Variants in PHTF1 observed in about 807,000 individuals in gnomAD.
PHTF1 encodes putative homeodomain transcription factor 1, also known as protein PHTF1.
A neutral mutation model predicts 102.4 loss-of-function variants in PHTF1; 88 were observed. That is an observed-to-expected ratio of 0.86 (90% CI 0.72 to 1.03). The LOEUF is 1.03. PHTF1 is among the 50% of genes least tolerant of loss of function. The probability of loss-of-function intolerance (pLI) is 0.00; values close to 1 mark genes in which losing one functional copy is unlikely to be tolerated. For synonymous variants in PHTF1, 289 were observed against 305.2 expected (o/e 0.95, Z 0.55); for missense variants, 814 against 909.5 (o/e 0.89, Z 1.35).
chr1:113,710,813 T>A (rs867346160), intron 10 of PHTF1, among the ~76,000 whole-genome samples: 7,672 of 137,430 alleles, frequency 0.056, 268 homozygotes, highest in African/African-American at 0.12. Flanking sequence ...TATATATATT[T>A]TTTTTTTTTT....
intron 3 of PHTF1, among the ~76,000 whole-genome samples, chr1:113,755,559 G>A (rs988832878): frequency 1.3e-5 from 2 of 152,122 alleles, no homozygotes; most frequent in Non-Finnish European, 2.9e-5. Context: ...CCCTATGAGA[G>A]AACGAGTAAA....
At chr1:113,714,759 C>T (rs780476410) in intron 7 of PHTF1, 9 of 152,410 alleles carry the variant, frequency 5.9e-5, no homozygotes, top group Non-Finnish European at 1.2e-4. Flanking sequence ...TTGTAGTGCC[C>T]TTGGGCTTTG....
At chr1:113,757,070 G>A (rs1459613969) in intron 3 of PHTF1, among the ~76,000 whole-genome samples, 1 of 152,168 alleles carries the variant, frequency 6.6e-6, no homozygotes, top group Non-Finnish European at 1.5e-5. Context: ...TGGAGGTTGA[G>A]GCAGGAAAAT....
At chr1:113,699,472 C>T in intron 17 of PHTF1, 1 of 640,850 alleles carries the variant, frequency 1.6e-6, no homozygotes, top group Non-Finnish European at 2.9e-6. Context: ...CCAGATGGCC[C>T]AACTTGGTGA....
At position 113,731,974 on chromosome 1, in the gene PHTF1, G is replaced by C. The variant is rs556417785; in HGVS notation, c.332-5400C>G. ...ATATCATATTTCTGTATAGCAAAGA[G>C]AATGTTGTAAAGAAGTCAAATTTTC... On this transcript the variant is annotated intron_variant, in intron 5 of 18. Coordinates refer to ENST00000369604, the MANE Select transcript of PHTF1 (RefSeq NM_001323043.2). Among the ~76,000 whole-genome samples the C allele has an allele frequency of 2.7e-5, 4 of 150,860 alleles. No individual in the cohort carries two copies. In the South Asian group the frequency reaches 8.4e-4, roughly 32 times the overall value.
chr1:113,750,059 A>G (rs1657811403), intron 3 of PHTF1, among the ~76,000 whole-genome samples: 1 of 152,072 alleles, frequency 6.6e-6, no homozygotes, highest in Admixed American at 6.6e-5. Context: ...CAGTGGCACA[A>G]TCATAGCACA....
At chr1:113,754,279 T>C (rs1658528606) in intron 3 of PHTF1, among the ~76,000 whole-genome samples, 1 of 151,898 alleles carries the variant, frequency 6.6e-6, no homozygotes, top group African/African-American at 2.4e-5. Flanking sequence ...AACCTGTTGG[T>C]GCATGCCTGT....
intron 3 of PHTF1, among the ~76,000 whole-genome samples, chr1:113,744,248 CT>C (rs1168223595): frequency 2.0e-5 from 3 of 152,194 alleles, no homozygotes; most frequent in Non-Finnish European, 4.4e-5. Flanking sequence ...TCATCACAAG[CT>C]CAGAACCACT....
chr1:113,729,555 T>C (rs1232298975), intron 5 of PHTF1, among the ~76,000 whole-genome samples: 1 of 151,630 alleles, frequency 6.6e-6, no homozygotes, highest in Non-Finnish European at 1.5e-5. Context: ...AATTAAAAAG[T>C]TAAAAAAAAA....
chr1:113,710,202 A>G, intron 11 of PHTF1, 52 bp downstream of exon 11: 1 of 1,301,742 alleles, frequency 7.7e-7, no homozygotes. Context: ...AGTGCCTGAC[A>G]CACAGTAAGA....
At chr1:113,707,241 T>C (rs1180038573) in intron 11 of PHTF1, among the ~76,000 whole-genome samples, 1 of 152,148 alleles carries the variant, frequency 6.6e-6, no homozygotes, top group African/African-American at 2.4e-5. Flanking sequence ...ATAAATCACA[T>C]GAATGACTGA....
At chr1:113,706,258 A>T in intron 12 of PHTF1, 96 bp from the exon 13 acceptor site, 1 of 1,030,398 alleles carries the variant, frequency 9.7e-7, no homozygotes, top group Non-Finnish European at 1.4e-6. Flanking sequence ...TTAAAAACAC[A>T]TTCTAAAAGT....
chr1:113,726,587 G>T lies in PHTF1; in HGVS notation c.332-13C>A. On this transcript the variant is annotated splice_polypyrimidine_tract_variant and intron_variant, in intron 5 of 18. Coordinates refer to ENST00000369604, the MANE Select transcript of PHTF1 (RefSeq NM_001323043.2). ...ACAATTGCTATAACTGAAAAGAAGAGGTTTTAAGATGTAAAACATTAGAGC... is the reference window on the plus strand; with the variant it reads ...ACAATTGCTATAACTGAAAAGAAGATGTTTTAAGATGTAAAACATTAGAGC... 2 of 1,504,860 alleles carry T rather than the reference G, an allele frequency of 1.3e-6. No homozygotes were observed. Among genetic ancestry groups the T allele is most frequent in the Non-Finnish European group, 1.8e-6 (2 of 1,112,648 alleles). 93.2% of individuals were successfully genotyped at this position (1,504,860 alleles called of 1,614,324 possible). A position where few individuals can be genotyped will look rare whatever the true frequency, so the allele number is the denominator to read the frequency against.
chr1:113,727,664 G>A (rs1490893209), intron 5 of PHTF1, among the ~76,000 whole-genome samples: 1 of 152,142 alleles, frequency 6.6e-6, no homozygotes, highest in Non-Finnish European at 1.5e-5. Context: ...TGACAGTTAT[G>A]TAATAAAGAA....
intron 3 of PHTF1, among the ~76,000 whole-genome samples, chr1:113,754,121 T>C (rs1353798784): frequency 2.0e-5 from 3 of 152,210 alleles, no homozygotes; most frequent in Admixed American, 1.3e-4. Context: ...AATAAAAATA[T>C]TGAATATGGC....
In PHTF1 at chr1:113,724,897, CAA is replaced by C; in HGVS notation, c.489-6_489-5del. The C allele has an allele frequency of 6.4e-7, 1 of 1,566,388 alleles. No homozygotes were observed. Among genetic ancestry groups the C allele is most frequent in the Non-Finnish European group, 8.6e-7 (1 of 1,156,958 alleles). ...ATTTACAGTTTTTCGTAATTTTCTA[CAA>C]AAAAAAATTTCAATAACTTCAGATT... is the stretch of plus-strand genomic sequence containing the variant. On this transcript the variant is annotated splice_region_variant and splice_polypyrimidine_tract_variant and intron_variant, in intron 6 of 18. Coordinates refer to ENST00000369604, the MANE Select transcript of PHTF1 (RefSeq NM_001323043.2).
Position 113,712,081 on chromosome 1 carries a change from A to G in PHTF1, c.816T>C (p.Ser272=). The change falls in exon 9 of 19, where the codon TCT becomes TCC. Residue 272 remains serine (S), a synonymous_variant. Coordinates refer to ENST00000369604, the MANE Select transcript of PHTF1 (RefSeq NM_001323043.2). Reference sequence around the variant, plus strand: ...CATCTTCTTCACTTGACAGGTCATCAGACACCCCATTACCCAAACGCCTAA... The same window carrying G: ...CATCTTCTTCACTTGACAGGTCATCGGACACCCCATTACCCAAACGCCTAA... ...EAFRRLGNGV[S]DDLSSEEDGE... The G allele has an allele frequency of 1.9e-6, 3 of 1,614,086 alleles. No individual in the cohort carries two copies. The highest frequency in any genetic ancestry group is 2.5e-6 in the Non-Finnish European group (3 of 1,179,984).
intron 3 of PHTF1, among the ~76,000 whole-genome samples, chr1:113,740,016 T>C (rs1656113771): frequency 6.6e-6 from 1 of 152,228 alleles, no homozygotes; most frequent in Non-Finnish European, 1.5e-5. Context: ...ATGTCATGAC[T>C]ATTGTGAACA....
At chr1:113,703,531 CT>C (rs560801104) in intron 15 of PHTF1, among the ~76,000 whole-genome samples, 3,689 of 150,744 alleles carry the variant, frequency 0.024, 99 homozygotes, top group South Asian at 0.047. Context: ...TTGTTTTTTT[CT>C]TTTTTTTTCA....
Sources: gnomAD v4.1 joint callset for allele counts (sites outside exome capture counted in the v4.1 genomes callset) on GRCh38, gnomAD v4.1.1 for gene constraint, MANE v1.5 for transcripts, NCBI Gene and HGNC (gene_info 2026-07-23, HGNC 2026-07-21) for gene names.